LRP1B: variants seen among roughly 807,000 people sequenced by gnomAD.
LRP1B encodes LDL receptor related protein 1B.
A neutral mutation model predicts 556.6 loss-of-function variants in LRP1B; 217 were observed. That is an observed-to-expected ratio of 0.39 (90% CI 0.35 to 0.44). The LOEUF is 0.44. Ranked by LOEUF, LRP1B falls within the 20% of genes least tolerant of loss-of-function variation. The probability of loss-of-function intolerance (pLI) is 1.00; values close to 1 mark genes in which losing one functional copy is unlikely to be tolerated. For synonymous variants in LRP1B, 2,047 were observed against 1,865.8 expected, an observed-to-expected ratio of 1.10 and a Z score of -2.50; for missense variants, 5,053 against 5,620.8, an observed-to-expected ratio of 0.90 and a Z score of 3.23.
intron 3 of LRP1B, among the ~76,000 whole-genome samples, chr2:141,474,049 C>A (rs201154197): frequency 2.4e-5 from 1 of 42,448 alleles, no homozygotes; most frequent in African/African-American, 8.5e-5. Context: ...CCTTCCTTTC[C>A]TTCCTTCCTC....
intron 2 of LRP1B, among the ~76,000 whole-genome samples, chr2:141,510,946 A>G (rs535213798): frequency 6.6e-6 from 1 of 151,646 alleles, no homozygotes; most frequent in South Asian, 2.1e-4. Context: ...ATAGAATAAG[A>G]ACTTTTTAAA....
intron 5 of LRP1B, among the ~76,000 whole-genome samples, chr2:141,243,888 C>A (rs541354293): frequency 3.2e-4 from 49 of 152,160 alleles, no homozygotes; most frequent in Non-Finnish European, 5.6e-4. Flanking sequence ...GCTGTAGTGT[C>A]TAAAATCTCC....
chr2:141,079,107 T>C (rs1699863042), intron 7 of LRP1B, among the ~76,000 whole-genome samples: 1 of 152,184 alleles, frequency 6.6e-6, no homozygotes, highest in Non-Finnish European at 1.5e-5. Flanking sequence ...CCACACTTTC[T>C]TATAGTTCTA....
At chr2:140,518,988 A>G (rs60949483) in intron 49 of LRP1B, among the ~76,000 whole-genome samples, 35,011 of 152,096 alleles carry the variant, frequency 0.23, 4,773 homozygotes, top group East Asian at 0.59. Context: ...AGAACAGTCC[A>G]TGCTTATGCA....
At chr2:141,325,605 T>A (rs1032511603) in intron 3 of LRP1B, among the ~76,000 whole-genome samples, 2 of 152,080 alleles carry the variant, frequency 1.3e-5, no homozygotes, top group African/African-American at 4.8e-5. Context: ...TTCCTTCTAA[T>A]CTAGGTAAAA....
intron 32 of LRP1B, among the ~76,000 whole-genome samples, chr2:140,783,653 G>A (rs1166597463): frequency 2.0e-5 from 3 of 152,138 alleles, no homozygotes; most frequent in Non-Finnish European, 4.4e-5. Context: ...TTGTACTGCA[G>A]AAGCTCAGAC....
At chr2:140,379,509 AC>A (rs1683380622) in intron 67 of LRP1B, among the ~76,000 whole-genome samples, 1 of 152,152 alleles carries the variant, frequency 6.6e-6, no homozygotes, top group African/African-American at 2.4e-5. Flanking sequence ...AGCTTGGTCA[AC>A]ATGGCAAAAA....
intron 83 of LRP1B, among the ~76,000 whole-genome samples, chr2:140,308,654 A>G (rs1684166059): frequency 6.6e-6 from 1 of 151,750 alleles, no homozygotes; most frequent in African/African-American, 2.4e-5. Context: ...AACTAGTTTT[A>G]TGTATATCTA....
chr2:140,645,486 T>C (rs1684445758), intron 41 of LRP1B, among the ~76,000 whole-genome samples: 1 of 151,536 alleles, frequency 6.6e-6, no homozygotes, highest in Admixed American at 6.6e-5. Flanking sequence ...AAATTATTCT[T>C]TCTTTCTATA....
At chr2:141,486,654 AG>A (rs1683132916) in intron 2 of LRP1B, among the ~76,000 whole-genome samples, 1 of 152,086 alleles carries the variant, frequency 6.6e-6, no homozygotes, top group Non-Finnish European at 1.5e-5. Context: ...TGTCCTATCT[AG>A]AATTGCCTCT....
chr2:141,749,801 A>T lies in LRP1B; in HGVS notation c.205+60478T>A, dbSNP rs566315317. On this transcript the variant is annotated intron_variant, in intron 2 of 90. Coordinates refer to ENST00000389484, the MANE Select transcript of LRP1B (RefSeq NM_018557.3). ...TAACTAAATGAGGCTCTAAATTATG[A>T]ACCTCCTGTGAGGTATGGCTTTACT... Among the ~76,000 whole-genome samples the T allele has an allele frequency of 5.3e-5, 8 of 152,222 alleles. No homozygotes were observed. In the East Asian group the frequency reaches 1.5e-3, roughly 29 times the overall value.
At chr2:141,237,141 G>T (rs1377039057) in intron 5 of LRP1B, among the ~76,000 whole-genome samples, 1 of 152,122 alleles carries the variant, frequency 6.6e-6, no homozygotes, top group African/African-American at 2.4e-5. Context: ...CAAAATTGCA[G>T]TTATTGTTGT....
chr2:141,128,618 A>G (rs976160257), intron 7 of LRP1B, among the ~76,000 whole-genome samples: 1 of 152,090 alleles, frequency 6.6e-6, no homozygotes, highest in Non-Finnish European at 1.5e-5. Flanking sequence ...AACATAATGA[A>G]GTTTCTTTTT....
chr2:141,212,995 C>G (rs148798904), intron 6 of LRP1B, among the ~76,000 whole-genome samples: 375 of 152,254 alleles, frequency 2.5e-3, no homozygotes, highest in Non-Finnish European at 4.3e-3. Flanking sequence ...TTGAGATAAT[C>G]TCACTCTGTC....
intron 20 of LRP1B, among the ~76,000 whole-genome samples, 194 bp downstream of exon 20, chr2:140,950,041 A>G (rs6719711): frequency 0.25 from 37,651 of 151,240 alleles, 5,750 homozygotes; most frequent in African/African-American, 0.42. Flanking sequence ...ATAAGGAGGT[A>G]TTGAGAGGAG....
intron 3 of LRP1B, among the ~76,000 whole-genome samples, chr2:141,350,741 G>C (rs557627978): frequency 6.6e-6 from 1 of 152,086 alleles, no homozygotes; most frequent in African/African-American, 2.4e-5. Flanking sequence ...GGTAATCATG[G>C]AAAAGCCAAG....
intron 29 of LRP1B, among the ~76,000 whole-genome samples, chr2:140,847,831 A>G (rs1276255827): frequency 6.6e-6 from 1 of 151,962 alleles, no homozygotes; most frequent in Non-Finnish European, 1.5e-5. Context: ...ATCTGTAATT[A>G]TTGCTCCTAA....
intron 3 of LRP1B, among the ~76,000 whole-genome samples, chr2:141,326,486 T>C (rs1192573320): frequency 6.6e-6 from 1 of 152,126 alleles, no homozygotes; most frequent in African/African-American, 2.4e-5. Context: ...AGATTTATTA[T>C]ATAGAGAGGA....
intron 82 of LRP1B, among the ~76,000 whole-genome samples, chr2:140,321,677 G>T (rs1042185239): frequency 1.2e-4 from 18 of 151,696 alleles, no homozygotes; most frequent in African/African-American, 4.3e-4. Context: ...TTATCTAATA[G>T]AAGAGTTATA....
Sources: gnomAD v4.1 joint callset for allele counts (sites outside exome capture counted in the v4.1 genomes callset) on GRCh38, gnomAD v4.1.1 for gene constraint, MANE v1.5 for transcripts, NCBI Gene and HGNC (gene_info 2026-07-23, HGNC 2026-07-21) for gene names.